The following FAM168A variants were observed in gnomAD, a reference collection of about 807,000 sequenced individuals.
FAM168A encodes family with sequence similarity 168 member A, also known as protein FAM168A.
A neutral mutation model predicts 28.5 loss-of-function variants in FAM168A; 3 were observed. That is an observed-to-expected ratio of 0.11 (90% CI 0.05 to 0.27). The LOEUF is 0.27. Among genes scored for constraint, FAM168A ranks in the 10% least tolerant of loss-of-function variants. The pLI is 1.00. For synonymous variants in FAM168A, 122 were observed against 124.2 expected, an observed-to-expected ratio of 0.98 and a Z score of 0.12; for missense variants, 222 against 311.5, an observed-to-expected ratio of 0.71 and a Z score of 2.16.
At chr11:73,583,206 G>A (rs529400752) in intron 1 of FAM168A, among the ~76,000 whole-genome samples, 1 of 152,152 alleles carries the variant, frequency 6.6e-6, no homozygotes, top group Non-Finnish European at 1.5e-5. Context: ...GGGAGGCTGA[G>A]GCAGGAGAAT....
chr11:73,494,585 G>C (rs1257135888), intron 1 of FAM168A, among the ~76,000 whole-genome samples: 1 of 152,182 alleles, frequency 6.6e-6, no homozygotes, highest in Non-Finnish European at 1.5e-5. Flanking sequence ...CTTGGGCAAA[G>C]AGCCAGGAAG....
At chr11:73,503,456 AC>A (rs1490963671) in intron 1 of FAM168A, among the ~76,000 whole-genome samples, 1 of 152,162 alleles carries the variant, frequency 6.6e-6, no homozygotes, top group Non-Finnish European at 1.5e-5. Context: ...GATGTAAAGG[AC>A]CTCTTCAAGG....
intron 1 of FAM168A, among the ~76,000 whole-genome samples, chr11:73,485,666 G>A (rs549266272): frequency 1.1e-4 from 17 of 151,916 alleles, no homozygotes; most frequent in South Asian, 1.0e-3. Flanking sequence ...ATTTTATTAC[G>A]TGTATTTTAA....
At chr11:73,430,392 G>T (rs1235879213) in intron 3 of FAM168A, 1 of 338,630 alleles carries the variant, frequency 3.0e-6, no homozygotes, top group Non-Finnish European at 5.7e-6. Context: ...GAATGAATTT[G>T]GACATTGCTT....
intron 5 of FAM168A, among the ~76,000 whole-genome samples, chr11:73,410,057 A>G (rs1273286709): frequency 1.3e-5 from 2 of 152,170 alleles, no homozygotes; most frequent in Admixed American, 1.3e-4. Flanking sequence ...AAGGATAATT[A>G]GTAGTAGTAT....
At chr11:73,582,186 A>T (rs923485946) in intron 1 of FAM168A, among the ~76,000 whole-genome samples, 4 of 152,192 alleles carry the variant, frequency 2.6e-5, no homozygotes, top group African/African-American at 7.2e-5. Context: ...CTTGCTACAA[A>T]GACTCTAATC....
chr11:73,497,204 T>C (rs905736282), intron 1 of FAM168A, among the ~76,000 whole-genome samples: 5 of 152,186 alleles, frequency 3.3e-5, no homozygotes. Flanking sequence ...CGGTGGCTCA[T>C]ACCTGTAATC....
chr11:73,423,400 A>C (rs1866831478), intron 3 of FAM168A, among the ~76,000 whole-genome samples: 1 of 152,120 alleles, frequency 6.6e-6, no homozygotes, highest in Non-Finnish European at 1.5e-5. Flanking sequence ...CTCTAAGCTA[A>C]AGTTTGAACT....
chr11:73,540,991 G>A (rs1943649944), intron 1 of FAM168A, among the ~76,000 whole-genome samples: 2 of 152,000 alleles, frequency 1.3e-5, no homozygotes, highest in African/African-American at 2.4e-5. Context: ...AATCACCTGA[G>A]GCCAGAAGTT....
At chr11:73,445,141 C>T (rs1294206281) in intron 2 of FAM168A, among the ~76,000 whole-genome samples, 1 of 152,030 alleles carries the variant, frequency 6.6e-6, no homozygotes, top group Admixed American at 6.6e-5. Context: ...TCCCTGTAAT[C>T]CCAGCTACTT....
chr11:73,442,342 G>A (rs982991676), intron 2 of FAM168A, among the ~76,000 whole-genome samples: 1 of 151,986 alleles, frequency 6.6e-6, no homozygotes, highest in African/African-American at 2.4e-5. Context: ...TAGCCAGGAT[G>A]GTCTCGATCT....
intron 2 of FAM168A, among the ~76,000 whole-genome samples, chr11:73,454,746 A>G (rs1188588282): frequency 6.6e-6 from 1 of 152,202 alleles, no homozygotes; most frequent in South Asian, 2.1e-4. Context: ...GCTTGACTTC[A>G]GAGGTACAGC....
chr11:73,529,811 T>C (rs1262424912), intron 1 of FAM168A, among the ~76,000 whole-genome samples: 1 of 151,014 alleles, frequency 6.6e-6, no homozygotes, highest in Non-Finnish European at 1.5e-5. Flanking sequence ...TTTTTTTTTT[T>C]TGGAGACGCA....
chr11:73,528,432 G>A (rs374902568), intron 1 of FAM168A, among the ~76,000 whole-genome samples: 5 of 152,222 alleles, frequency 3.3e-5, no homozygotes, highest in East Asian at 3.9e-4. Flanking sequence ...GTATCAATTC[G>A]TGAAAAATAT....
chr11:73,505,116 AT>A (rs371039461), intron 1 of FAM168A, among the ~76,000 whole-genome samples: 6,000 of 148,502 alleles, frequency 0.04, 397 homozygotes, highest in African/African-American at 0.14. Context: ...CATGTATCCC[AT>A]TTTTTTTTTA....
chr11:73,550,592 A>T (rs547993342), intron 1 of FAM168A, among the ~76,000 whole-genome samples: 1 of 152,214 alleles, frequency 6.6e-6, no homozygotes, highest in South Asian at 2.1e-4. Context: ...GGGGTCGAGG[A>T]TGCAGTGAGC....
chr11:73,485,564 A>T (rs919386035), intron 1 of FAM168A, among the ~76,000 whole-genome samples: 1 of 152,134 alleles, frequency 6.6e-6, no homozygotes, highest in African/African-American at 2.4e-5. Context: ...ATGAGCAAAA[A>T]CTTCTAGTAC....
At chr11:73,447,785 T>C (rs1867349558) in intron 2 of FAM168A, among the ~76,000 whole-genome samples, 2 of 151,854 alleles carry the variant, frequency 1.3e-5, no homozygotes. Flanking sequence ...CCTGGGTCTA[T>C]CCAAGATAGA....
At chr11:73,531,743 T>A (rs1043521667) in intron 1 of FAM168A, among the ~76,000 whole-genome samples, 1 of 152,010 alleles carries the variant, frequency 6.6e-6, no homozygotes, top group Non-Finnish European at 1.5e-5. Flanking sequence ...CCACAATGCC[T>A]TTCATTCCCC....
Sources: gnomAD v4.1 joint callset for allele counts (sites outside exome capture counted in the v4.1 genomes callset) on GRCh38, gnomAD v4.1.1 for gene constraint, MANE v1.5 for transcripts, NCBI Gene and HGNC (gene_info 2026-07-23, HGNC 2026-07-21) for gene names.